Variants in NOMO2 observed in about 807,000 individuals in gnomAD.
NOMO2 encodes BOS complex subunit NOMO2.
A neutral mutation model predicts 67.1 loss-of-function variants in NOMO2; 14 were observed. The observed-to-expected ratio is 0.21, with a 90% confidence interval of 0.14 to 0.33. The LOEUF is 0.33. Ranked by LOEUF, NOMO2 falls within the 10% of genes least tolerant of loss-of-function variation. The probability of loss-of-function intolerance (pLI) is 1.00; values close to 1 mark genes in which losing one functional copy is unlikely to be tolerated. For missense variants in NOMO2, 178 were observed against 761.0 expected (o/e 0.23, Z 9.01); for synonymous variants, 80 against 305.9 (o/e 0.26, Z 7.71).
At chr16:18,550,687 C>CA (rs1230962831) in intron 4 of NOMO2, among the ~76,000 whole-genome samples, 3 of 151,950 alleles carry the variant, frequency 2.0e-5, no homozygotes, top group Non-Finnish European at 4.4e-5. Flanking sequence ...CGTGGCGGTC[C>CA]AAAAAAATCT....
intron 15 of NOMO2, chr16:18,529,268 C>T (rs1454161777): frequency 9.6e-6 from 6 of 625,894 alleles, no homozygotes; most frequent in Admixed American, 2.9e-5. Flanking sequence ...CCCGAATCAC[C>T]AGTCAGATTT....
At chr16:18,520,255 C>A (rs1366899446) in intron 20 of NOMO2, among the ~76,000 whole-genome samples, 1 of 58,204 alleles carries the variant, frequency 1.7e-5, no homozygotes, top group African/African-American at 6.1e-5. Flanking sequence ...CAGCTTTGTG[C>A]TTCATCTACC....
At chr16:18,528,579 CA>C (rs1272800566) in intron 15 of NOMO2, among the ~76,000 whole-genome samples, 3 of 151,926 alleles carry the variant, frequency 2.0e-5, no homozygotes, top group Non-Finnish European at 4.4e-5. Flanking sequence ...ACCCATTTCA[CA>C]CTGCCTTTCA....
chr16:18,544,113 C>T (rs1256516711), intron 6 of NOMO2, among the ~76,000 whole-genome samples: 2 of 151,656 alleles, frequency 1.3e-5, no homozygotes, highest in African/African-American at 2.4e-5. Flanking sequence ...AGGCTGGTCT[C>T]GAACTCCTGA....
intron 1 of NOMO2, among the ~76,000 whole-genome samples, chr16:18,561,196 A>C (rs867327037): frequency 1.1e-3 from 52 of 46,244 alleles, no homozygotes; most frequent in South Asian, 4.8e-3. Flanking sequence ...AAAAAAAAAA[A>C]AAAAAAAAAA....
At chr16:18,546,278 CA>C (rs71388802) in intron 6 of NOMO2, among the ~76,000 whole-genome samples, 10 of 17,932 alleles carry the variant, frequency 5.6e-4, no homozygotes, top group African/African-American at 1.8e-3. Context: ...GACCCTGTTG[CA>C]AAAAAAAAAA....
At chr16:18,536,209 G>A (rs1374900138) in intron 11 of NOMO2, among the ~76,000 whole-genome samples, 4 of 152,080 alleles carry the variant, frequency 2.6e-5, no homozygotes, top group African/African-American at 7.2e-5. Flanking sequence ...CTCCAGCTGC[G>A]CAGACTGCCT....
chr16:18,550,876 C>T (rs922566860), intron 4 of NOMO2, among the ~76,000 whole-genome samples: 8 of 151,808 alleles, frequency 5.3e-5, no homozygotes, highest in South Asian at 2.1e-4. Context: ...ACGCTAACAG[C>T]GGCTGGGTGC....
At chr16:18,557,567 C>G in intron 2 of NOMO2, 135 bp downstream of exon 2, 1 of 1,596,140 alleles carries the variant, frequency 6.3e-7, no homozygotes. Flanking sequence ...CCAAATGTGA[C>G]TAGGATTATC....
chr16:18,535,802 C>T (rs1367411928), intron 11 of NOMO2, among the ~76,000 whole-genome samples: 3 of 150,072 alleles, frequency 2.0e-5, no homozygotes, highest in African/African-American at 7.3e-5. Flanking sequence ...ACTGATAACT[C>T]TTTTTTTTTT....
intron 11 of NOMO2, among the ~76,000 whole-genome samples, chr16:18,535,370 G>C (rs540187110): frequency 6.9e-6 from 1 of 145,870 alleles, no homozygotes; most frequent in Non-Finnish European, 1.5e-5. Flanking sequence ...TGCTAAAAAG[G>C]CAAATGTACT....
At chr16:18,545,457 T>G (rs375146682) in intron 6 of NOMO2, among the ~76,000 whole-genome samples, 2 of 151,766 alleles carry the variant, frequency 1.3e-5, no homozygotes, top group African/African-American at 4.8e-5. Flanking sequence ...CCAAAAGTCA[T>G]AAACAGTAAG....
chr16:18,554,168 G>C lies in NOMO2; in HGVS notation c.301+639C>G, dbSNP rs745901102. 1.7e-3 allele frequency among the ~76,000 whole-genome samples: 253 copies of C among 152,124 alleles called. 3 individuals are homozygous for C. The highest frequency in any genetic ancestry group is 3.0e-3 in the Non-Finnish European group (205 of 67,990). On this transcript the variant is annotated intron_variant, in intron 3 of 30. Transcript: ENST00000622306. ...TGGAGCTTTTGTTGGGATGTGTGCAGAAGGGCTGTTTCTGAATACTGAGTA... is the reference window on the plus strand; with the variant it reads ...TGGAGCTTTTGTTGGGATGTGTGCACAAGGGCTGTTTCTGAATACTGAGTA...
chr16:18,528,518 A>G (rs932776811), intron 15 of NOMO2, among the ~76,000 whole-genome samples: 4 of 151,988 alleles, frequency 2.6e-5, no homozygotes, highest in African/African-American at 9.7e-5. Flanking sequence ...GCCACTCAAC[A>G]TCAAAACATT....
chr16:18,553,071 C>G (rs1445221076), intron 3 of NOMO2, among the ~76,000 whole-genome samples: 1 of 151,736 alleles, frequency 6.6e-6, no homozygotes, highest in Admixed American at 6.6e-5. Context: ...GTCAGGAGTT[C>G]GAGACCAGCC....
chr16:18,527,213 C>T (rs1290603687), intron 16 of NOMO2, among the ~76,000 whole-genome samples: 2 of 132,244 alleles, frequency 1.5e-5, no homozygotes, highest in Non-Finnish European at 3.2e-5. Flanking sequence ...AAGACTCCAT[C>T]TCAAAAAAAA....
chr16:18,529,335 G>A (rs1399750178), intron 15 of NOMO2, 166 bp downstream of exon 15: 1 of 1,189,978 alleles, frequency 8.4e-7, no homozygotes, highest in Non-Finnish European at 1.2e-6. Context: ...CACTGAGAGA[G>A]TATAAATGCT....
chr16:18,544,518 G>A (rs1487601277), intron 6 of NOMO2, among the ~76,000 whole-genome samples: 1 of 152,082 alleles, frequency 6.6e-6, no homozygotes, highest in Non-Finnish European at 1.5e-5. Context: ...ACTACTCACA[G>A]GCAGCCAACT....
chr16:18,559,655 G>A (rs1435635500), intron 1 of NOMO2, among the ~76,000 whole-genome samples: 1 of 151,956 alleles, frequency 6.6e-6, no homozygotes, highest in African/African-American at 2.4e-5. Context: ...AAGAGATTCA[G>A]ATGCATGCAT....
Sources: gnomAD v4.1 joint callset for allele counts (sites outside exome capture counted in the v4.1 genomes callset) on GRCh38, gnomAD v4.1.1 for gene constraint, MANE v1.5 for transcripts, NCBI Gene and HGNC (gene_info 2026-07-23, HGNC 2026-07-21) for gene names.